The following PCDH9 variants were observed in gnomAD, a reference collection of about 807,000 sequenced individuals.
PCDH9 encodes the protein protocadherin 9, also known as protocadherin-9.
In PCDH9, 24 loss-of-function variants were observed where a neutral mutation model predicts 70.6. The observed-to-expected ratio is 0.34, with a 90% CI of 0.25 to 0.48. The LOEUF is 0.48. PCDH9 is among the 20% of genes least tolerant of loss of function. PCDH9 has a pLI of 0.99. For missense variants in PCDH9, 1,281 were observed against 1,503.6 expected, an observed-to-expected ratio of 0.85 and a Z score of 2.45; for synonymous variants, 562 against 558.5, an observed-to-expected ratio of 1.01 and a Z score of -0.09.
intron 2 of PCDH9, among the ~76,000 whole-genome samples, chr13:67,010,848 G>T (rs958261419): frequency 2.0e-5 from 3 of 151,866 alleles, no homozygotes; most frequent in Admixed American, 6.6e-5. Flanking sequence ...TAAAATGTTG[G>T]ATTATTTGAC....
At chr13:66,858,729 T>C (rs1440113376) in intron 3 of PCDH9, among the ~76,000 whole-genome samples, 1 of 152,232 alleles carries the variant, frequency 6.6e-6, no homozygotes, top group African/African-American at 2.4e-5. Flanking sequence ...TTCTATTTTA[T>C]TGATACGAAT....
intron 4 of PCDH9, among the ~76,000 whole-genome samples, chr13:66,619,756 G>C (rs772268963): frequency 2.6e-5 from 4 of 152,090 alleles, no homozygotes; most frequent in Non-Finnish European, 5.9e-5. Context: ...ACTATGTGTA[G>C]AGCTCAAATA....
At chr13:67,083,655 A>G (rs1238903033) in intron 2 of PCDH9, among the ~76,000 whole-genome samples, 2 of 152,206 alleles carry the variant, frequency 1.3e-5, no homozygotes, top group African/African-American at 4.8e-5. Context: ...AAACGAGCTC[A>G]GAGCCTTAAG....
intron 3 of PCDH9, among the ~76,000 whole-genome samples, chr13:66,665,496 G>A (rs6562467): frequency 0.57 from 86,468 of 151,974 alleles, 24,920 homozygotes; most frequent in African/African-American, 0.65. Flanking sequence ...ATATTTCCCA[G>A]CTTTCTGCCC....
chr13:66,411,235 A>C (rs1957363502), intron 4 of PCDH9, among the ~76,000 whole-genome samples: 1 of 152,222 alleles, frequency 6.6e-6, no homozygotes, highest in Non-Finnish European at 1.5e-5. Context: ...GCAGTGGCTT[A>C]AAATATTTTT....
chr13:66,403,763 C>A (rs1957230739), intron 4 of PCDH9, among the ~76,000 whole-genome samples: 1 of 152,020 alleles, frequency 6.6e-6, no homozygotes, highest in South Asian at 2.1e-4. Flanking sequence ...TCATCTCCAC[C>A]CATGAGAGAA....
chr13:66,499,219 G>A (rs1239362719), intron 4 of PCDH9, among the ~76,000 whole-genome samples: 1 of 151,596 alleles, frequency 6.6e-6, no homozygotes, highest in Non-Finnish European at 1.5e-5. Flanking sequence ...ATATTTAAAT[G>A]GGAAAAAAGA....
At chr13:66,673,397 T>C (rs2078203521) in intron 3 of PCDH9, among the ~76,000 whole-genome samples, 2 of 152,164 alleles carry the variant, frequency 1.3e-5, no homozygotes. Flanking sequence ...TCATTAAACC[T>C]CTTTTTCTTT....
intron 4 of PCDH9, among the ~76,000 whole-genome samples, chr13:66,550,553 G>C (rs1320530957): frequency 6.6e-6 from 1 of 152,112 alleles, no homozygotes; most frequent in African/African-American, 2.4e-5. Context: ...CTTTCTGCCA[G>C]GTTGATGGAG....
intron 2 of PCDH9, among the ~76,000 whole-genome samples, chr13:67,097,465 T>C (rs2086345187): frequency 6.6e-6 from 1 of 152,104 alleles, no homozygotes; most frequent in South Asian, 2.1e-4. Flanking sequence ...AGTATAGCAA[T>C]ATGGCATTCT....
chr13:66,959,141 A>C (rs1370793420), intron 2 of PCDH9, among the ~76,000 whole-genome samples: 16 of 152,204 alleles, frequency 1.1e-4, no homozygotes, highest in Non-Finnish European at 1.5e-5. Flanking sequence ...TTCAGTAATT[A>C]GTCACCTTTT....
intron 3 of PCDH9, among the ~76,000 whole-genome samples, chr13:66,647,035 C>T (rs1478410598): frequency 6.6e-6 from 1 of 152,080 alleles, no homozygotes; most frequent in Non-Finnish European, 1.5e-5. Flanking sequence ...GGGGAATCAC[C>T]CATCAAGTGA....
chr13:66,728,718 G>C (rs183387866), intron 3 of PCDH9, among the ~76,000 whole-genome samples: 12 of 152,086 alleles, frequency 7.9e-5, no homozygotes, highest in African/African-American at 2.9e-4. Context: ...TCTTTCTGTA[G>C]TAATCCATTA....
chr13:66,921,700 A>T (rs749710223), intron 2 of PCDH9, among the ~76,000 whole-genome samples: 5 of 151,326 alleles, frequency 3.3e-5, no homozygotes, highest in Non-Finnish European at 5.9e-5. Flanking sequence ...AGAATATCAG[A>T]CCTCAAGGGA....
chr13:67,148,254 T>C (rs2087571854), intron 2 of PCDH9, among the ~76,000 whole-genome samples: 1 of 152,048 alleles, frequency 6.6e-6, no homozygotes, highest in African/African-American at 2.4e-5. Context: ...GTATTTTTCT[T>C]CCCCTCTGTG....
intron 2 of PCDH9, among the ~76,000 whole-genome samples, chr13:67,197,733 C>T (rs1004260080): frequency 1.1e-4 from 16 of 151,736 alleles, no homozygotes; most frequent in African/African-American, 3.6e-4. Flanking sequence ...TCTGTTATAT[C>T]GATAACCATT....
chr13:66,645,262 C>T (rs928376995), intron 3 of PCDH9, among the ~76,000 whole-genome samples: 1 of 151,972 alleles, frequency 6.6e-6, no homozygotes, highest in Non-Finnish European at 1.5e-5. Flanking sequence ...TCTTATGACC[C>T]CTTCCTCCTC....
chr13:66,991,808 G>T (rs1361597749), intron 2 of PCDH9, among the ~76,000 whole-genome samples: 2 of 152,116 alleles, frequency 1.3e-5, no homozygotes, highest in African/African-American at 4.8e-5. Flanking sequence ...TTCAATGAAG[G>T]ATACTAATAA....
chr13:66,775,961 T>A (rs1476432382), intron 3 of PCDH9, among the ~76,000 whole-genome samples: 1 of 152,152 alleles, frequency 6.6e-6, no homozygotes, highest in Non-Finnish European at 1.5e-5. Flanking sequence ...TATAAAGGTG[T>A]TTCCATCCAC....
Sources: allele counts gnomAD v4.1 joint callset (sites outside exome capture counted in the v4.1 genomes callset), GRCh38; gene constraint gnomAD v4.1.1; transcripts MANE v1.5; gene names NCBI Gene and HGNC (gene_info 2026-07-23, HGNC 2026-07-21).